Variants in PRKN observed in about 807,000 individuals in gnomAD.
PRKN encodes the protein E3 ubiquitin-protein ligase parkin.
In PRKN, 56 loss-of-function variants were observed where a neutral mutation model predicts 59.5. That is an observed-to-expected ratio of 0.94 (90% CI 0.76 to 1.18). The LOEUF is 1.18. Ranked by LOEUF, PRKN falls within the 50% of genes most tolerant of loss-of-function variation. PRKN has a pLI of 0.00. For missense variants in PRKN, 657 were observed against 596.4 expected (o/e 1.10, Z -1.06); for synonymous variants, 250 against 222.1 (o/e 1.13, Z -1.12).
At chr6:161,639,857 A>G (rs528011879) in intron 7 of PRKN, among the ~76,000 whole-genome samples, 1 of 152,206 alleles carries the variant, frequency 6.6e-6, no homozygotes, top group Non-Finnish European at 1.5e-5. Flanking sequence ...CACAAGGCGC[A>G]ATGCCTACCA....
chr6:162,219,312 T>G lies in PRKN; in HGVS notation c.413-18060A>C, dbSNP rs142700157. On this transcript the variant is annotated intron_variant, in intron 3 of 11. Transcript: ENST00000366898. Reference sequence around the variant, plus strand: ...GAGATCTGTCAAACACTTCTTTATCTAATACTGCATAGGTGACTCCCTGTC... The same window carrying G: ...GAGATCTGTCAAACACTTCTTTATCGAATACTGCATAGGTGACTCCCTGTC... Among the ~76,000 whole-genome samples, 322 of 152,310 alleles carry G rather than the reference T, an allele frequency of 2.1e-3. 1 individual carries two copies. Among genetic ancestry groups the G allele is most frequent in the African/African-American group, 7.4e-3 (309 of 41,562 alleles).
At chr6:162,128,500 TG>T (rs1779953558) in intron 4 of PRKN, among the ~76,000 whole-genome samples, 1 of 152,120 alleles carries the variant, frequency 6.6e-6, no homozygotes, top group African/African-American at 2.4e-5. Context: ...AGACAGCATC[TG>T]TAAGCCATAG....
rs964089226 is a variant in PRKN at position 161,359,040 on chromosome 6, C to T, written c.1285+1048G>A. Among the ~76,000 whole-genome samples the T allele has an allele frequency of 1.2e-4, 18 of 151,924 alleles. No homozygotes were observed. Among genetic ancestry groups the T allele is most frequent in the African/African-American group, 4.1e-4 (17 of 41,358 alleles). On this transcript the variant is annotated intron_variant, in intron 11 of 11. Transcript: ENST00000366898. This position sits in a 1 kb window ranked among gnomAD's most constrained non-coding sequence, Gnocchi z 5.4. ...CGACCTCCTGACCTTGTGATCCACC[C>T]GCCTCCGCCTCCCAAAGTGCTGGGA...
At position 161,527,149 on chromosome 6, in the gene PRKN, A is replaced by G. The variant is rs1485790778; in HGVS notation, c.1083+21705T>C. Reference sequence around the variant, plus strand: ...ATCTTCTCTGTTTCATGAGATTCCTATGACAATTATTTTCCTTTATAGATA... The same window carrying G: ...ATCTTCTCTGTTTCATGAGATTCCTGTGACAATTATTTTCCTTTATAGATA... On this transcript the variant is annotated intron_variant, in intron 9 of 11. Coordinates refer to ENST00000366898, the MANE Select transcript of PRKN (RefSeq NM_004562.3). This position sits in a 1 kb window ranked among gnomAD's most constrained non-coding sequence, Gnocchi z 4.6. 6.6e-6 allele frequency among the ~76,000 whole-genome samples: 1 copy of G among 152,160 alleles called. No homozygotes were observed. The highest frequency in any genetic ancestry group is 1.9e-4 in the East Asian group (1 of 5,184).
At chr6:162,429,044 C>T (rs1232822582) in intron 2 of PRKN, among the ~76,000 whole-genome samples, 1 of 152,160 alleles carries the variant, frequency 6.6e-6, no homozygotes, top group Non-Finnish European at 1.5e-5. Flanking sequence ...TTATCACTAA[C>T]TGAAATTTAC....
chr6:161,394,704 A>G (rs1398125692), intron 9 of PRKN, among the ~76,000 whole-genome samples: 1 of 152,174 alleles, frequency 6.6e-6, no homozygotes, highest in Non-Finnish European at 1.5e-5. Context: ...AGGGCCCCTC[A>G]GAGAAGATGA....
intron 1 of PRKN, among the ~76,000 whole-genome samples, chr6:162,602,735 T>A (rs1781760175): frequency 6.6e-6 from 1 of 152,264 alleles, no homozygotes; most frequent in African/African-American, 2.4e-5. Flanking sequence ...GCAAACAAAC[T>A]AAAATGTATT....
At chr6:161,855,840 T>A (rs1442741281) in intron 6 of PRKN, among the ~76,000 whole-genome samples, 1 of 152,172 alleles carries the variant, frequency 6.6e-6, no homozygotes, top group Non-Finnish European at 1.5e-5. Context: ...GATATAAAAA[T>A]CCTTCGTAAA....
At chr6:161,628,124 T>C (rs555828728) in intron 7 of PRKN, among the ~76,000 whole-genome samples, 1 of 152,332 alleles carries the variant, frequency 6.6e-6, no homozygotes, top group East Asian at 1.9e-4. Flanking sequence ...CTTTTTCTTA[T>C]TCTATAGAAA....
intron 1 of PRKN, among the ~76,000 whole-genome samples, chr6:162,722,296 A>G (rs1264912038): frequency 6.6e-6 from 1 of 152,238 alleles, no homozygotes; most frequent in East Asian, 1.9e-4. Flanking sequence ...TAATCTGTTA[A>G]GAGTCCTAGG....
intron 6 of PRKN, among the ~76,000 whole-genome samples, chr6:161,874,207 TGTAAA>T (rs1794517774): frequency 1.1e-4 from 4 of 35,840 alleles, no homozygotes; most frequent in Admixed American, 5.5e-4. Context: ...ATATATTATA[TGTAAA>T]ATATAATATA....
At chr6:162,249,067 A>G (rs1453996601) in intron 3 of PRKN, among the ~76,000 whole-genome samples, 1 of 151,956 alleles carries the variant, frequency 6.6e-6, no homozygotes, top group Non-Finnish European at 1.5e-5. Flanking sequence ...TTTAGTAGAG[A>G]CGAGGTTTCA....
intron 7 of PRKN, among the ~76,000 whole-genome samples, chr6:161,697,496 C>T (rs1211166819): frequency 2.6e-5 from 4 of 152,158 alleles, no homozygotes; most frequent in African/African-American, 7.2e-5. Context: ...CAAATGTAAG[C>T]TTGCCCTCTC....
chr6:162,573,121 A>G (rs945456535), intron 1 of PRKN, among the ~76,000 whole-genome samples: 1 of 152,126 alleles, frequency 6.6e-6, no homozygotes, highest in Admixed American at 6.6e-5. Context: ...TCCATTTTCC[A>G]TTTTTAGAAT....
intron 4 of PRKN, among the ~76,000 whole-genome samples, chr6:162,135,024 G>C (rs1029288711): frequency 6.6e-6 from 1 of 152,126 alleles, no homozygotes; most frequent in African/African-American, 2.4e-5. Context: ...GAATAACACA[G>C]AGCATCCCAC....
intron 1 of PRKN, among the ~76,000 whole-genome samples, chr6:162,541,501 A>G (rs1298378228): frequency 6.6e-6 from 1 of 152,206 alleles, no homozygotes; most frequent in Admixed American, 6.5e-5. Context: ...CAGAAGAAAC[A>G]TAAGCCAATC....
At chr6:162,388,594 A>T (rs1349360022) in intron 2 of PRKN, among the ~76,000 whole-genome samples, 1 of 152,168 alleles carries the variant, frequency 6.6e-6, no homozygotes, top group African/African-American at 2.4e-5. Flanking sequence ...TGTGTTAATA[A>T]CACCACTGCC....
chr6:161,509,879 C>CAAAA (rs1175501223), intron 9 of PRKN, among the ~76,000 whole-genome samples: 89 of 49,358 alleles, frequency 1.8e-3, no homozygotes, highest in African/African-American at 4.7e-3. Flanking sequence ...GACTCCATCT[C>CAAAA]AAAAAAAAAA....
At chr6:162,660,097 C>A (rs1778822075) in intron 1 of PRKN, among the ~76,000 whole-genome samples, 1 of 152,120 alleles carries the variant, frequency 6.6e-6, no homozygotes. Flanking sequence ...ACAGATTTCT[C>A]TCACACACAA....
Sources: allele counts gnomAD v4.1 joint callset (sites outside exome capture counted in the v4.1 genomes callset), GRCh38; gene constraint gnomAD v4.1.1; non-coding constraint Gnocchi (gnomAD v3.1); transcripts MANE v1.5; gene names NCBI Gene and HGNC (gene_info 2026-07-23, HGNC 2026-07-21).